Variants in NKAIN3 observed in about 807,000 individuals in gnomAD.
NKAIN3 encodes sodium/potassium-transporting ATPase subunit beta-1-interacting protein 3.
A neutral mutation model predicts 30.2 loss-of-function variants in NKAIN3; 25 were observed. The ratio of observed to expected loss-of-function variants is 0.83; its 90% CI spans 0.60 to 1.16. The LOEUF is 1.16. Among genes scored for constraint, NKAIN3 ranks in the 50% most tolerant of loss-of-function variants. The pLI, the probability that NKAIN3 is intolerant of heterozygous loss-of-function variation, is 0.00. For missense variants in NKAIN3, 225 were observed against 254.1 expected, an observed-to-expected ratio of 0.89 and a Z score of 0.78; for synonymous variants, 91 against 89.6, an observed-to-expected ratio of 1.02 and a Z score of -0.09.
intron 1 of NKAIN3, among the ~76,000 whole-genome samples, chr8:62,471,135 C>A (rs1806327515): frequency 6.6e-6 from 1 of 152,056 alleles, no homozygotes; most frequent in Non-Finnish European, 1.5e-5. Context: ...TTATCTAAAT[C>A]TTTAAAACTC....
intron 1 of NKAIN3, among the ~76,000 whole-genome samples, chr8:62,464,031 G>A (rs180864875): frequency 2.6e-5 from 4 of 152,234 alleles, no homozygotes; most frequent in Admixed American, 2.6e-4. Flanking sequence ...GGACTTCCAT[G>A]GGAAACCTAG....
chr8:62,757,254 G>T (rs1816483346), intron 4 of NKAIN3, among the ~76,000 whole-genome samples: 1 of 152,082 alleles, frequency 6.6e-6, no homozygotes, highest in Non-Finnish European at 1.5e-5. Flanking sequence ...GTAACTATTA[G>T]ATTTTAAAAA....
intron 4 of NKAIN3, among the ~76,000 whole-genome samples, chr8:62,849,807 G>C (rs1009115399): frequency 2.0e-5 from 3 of 152,012 alleles, no homozygotes; most frequent in Non-Finnish European, 4.4e-5. Context: ...TGGCTGCATA[G>C]TATTCCATGG....
chr8:62,435,761 A>G (rs1279862034), intron 1 of NKAIN3, among the ~76,000 whole-genome samples: 4 of 152,214 alleles, frequency 2.6e-5, no homozygotes, highest in Middle Eastern at 3.2e-3. Context: ...GTTATTATAA[A>G]TAACATTTTG....
intron 6 of NKAIN3, among the ~76,000 whole-genome samples, chr8:62,956,533 T>G (rs1823423327): frequency 1.3e-5 from 2 of 152,170 alleles, no homozygotes; most frequent in African/African-American, 4.8e-5. Context: ...AAGTGCACCT[T>G]TCAAGTGTCC....
At chr8:62,310,423 TA>T (rs1227303448) in intron 1 of NKAIN3, among the ~76,000 whole-genome samples, 1 of 150,650 alleles carries the variant, frequency 6.6e-6, no homozygotes, top group Admixed American at 6.6e-5. Context: ...ATATTAATTC[TA>T]ATATTGTCAA....
In NKAIN3 at chr8:62,413,167, A is replaced by G. The variant is rs754142893; in HGVS notation, c.54+164040A>G. Among the ~76,000 whole-genome samples, 4 of 152,278 alleles carry G rather than the reference A, an allele frequency of 2.6e-5. No homozygotes were observed. The South Asian group carries it at 6.2e-4, about 24-fold the overall frequency. On this transcript the variant is annotated intron_variant, in intron 1 of 6. Coordinates refer to ENST00000623646, the MANE Select transcript of NKAIN3 (RefSeq NM_001304533.3). Reference sequence around the variant, plus strand: ...GACAGATGCTGGCCAGGCTGTAGATAAAAGGGAGCACTTATACACTGCTGG... The same window carrying G: ...GACAGATGCTGGCCAGGCTGTAGATGAAAGGGAGCACTTATACACTGCTGG...
At chr8:62,530,628 ATTATTTAT>A (rs934380168) in intron 1 of NKAIN3, among the ~76,000 whole-genome samples, 2 of 151,530 alleles carry the variant, frequency 1.3e-5, no homozygotes, top group Non-Finnish European at 2.9e-5. Flanking sequence ...GTATTTATTT[ATTATTTAT>A]TTATTTATTT....
At chr8:62,831,835 G>A (rs185474697) in intron 4 of NKAIN3, among the ~76,000 whole-genome samples, 1 of 152,212 alleles carries the variant, frequency 6.6e-6, no homozygotes, top group Non-Finnish European at 1.5e-5. Context: ...CTGCTAGATG[G>A]TCAGACATCC....
At chr8:62,599,583 A>G (rs892022734) in intron 3 of NKAIN3, among the ~76,000 whole-genome samples, 7 of 152,022 alleles carry the variant, frequency 4.6e-5, no homozygotes, top group Non-Finnish European at 8.8e-5. Flanking sequence ...AGACATCACA[A>G]TCCTCATCCT....
At chr8:62,438,333 T>C (rs1190675364) in intron 1 of NKAIN3, among the ~76,000 whole-genome samples, 1 of 152,196 alleles carries the variant, frequency 6.6e-6, no homozygotes, top group African/African-American at 2.4e-5. Context: ...ATATTTTGTG[T>C]GAGAAATTTG....
chr8:62,345,622 T>TATATATACACATATATGTATATATAC (rs2129591363), intron 1 of NKAIN3, among the ~76,000 whole-genome samples: 2 of 129,838 alleles, frequency 1.5e-5, no homozygotes, highest in South Asian at 4.4e-4. Context: ...TATACACACA[T>TATATATACACATATATGTATATATAC]ATATATACAC....
At chr8:62,578,886 G>A (rs2130057582) in intron 1 of NKAIN3, among the ~76,000 whole-genome samples, 1 of 152,090 alleles carries the variant, frequency 6.6e-6, no homozygotes, top group Admixed American at 6.6e-5. Flanking sequence ...GGTTACCAGA[G>A]GCTGGGAAGG....
intron 4 of NKAIN3, among the ~76,000 whole-genome samples, chr8:62,841,199 A>C (rs1248296080): frequency 1.3e-5 from 2 of 152,308 alleles, no homozygotes; most frequent in African/African-American, 2.4e-5. Context: ...AAATTATAAT[A>C]ATCATAATTG....
intron 1 of NKAIN3, among the ~76,000 whole-genome samples, chr8:62,531,108 A>G (rs528956237): frequency 6.6e-6 from 1 of 152,142 alleles, no homozygotes; most frequent in African/African-American, 2.4e-5. Flanking sequence ...TCAGAGAGCC[A>G]CAGTCGGGGG....
chr8:62,249,386 G>A (rs1812013351), intron 1 of NKAIN3, among the ~76,000 whole-genome samples: 1 of 152,180 alleles, frequency 6.6e-6, no homozygotes, highest in Non-Finnish European at 1.5e-5. Flanking sequence ...CGCTCCCGCC[G>A]GGCGTCGCCA....
chr8:62,335,152 C>T (rs544281841), intron 1 of NKAIN3, among the ~76,000 whole-genome samples: 3 of 151,920 alleles, frequency 2.0e-5, no homozygotes, highest in Non-Finnish European at 4.4e-5. Context: ...AATCTCATGC[C>T]AGCAGGGCAC....
intron 1 of NKAIN3, among the ~76,000 whole-genome samples, chr8:62,259,828 G>A (rs996239447): frequency 6.6e-6 from 1 of 152,184 alleles, no homozygotes; most frequent in Non-Finnish European, 1.5e-5. Flanking sequence ...AGCATCTGCA[G>A]TTCATTGAAC....
intron 1 of NKAIN3, among the ~76,000 whole-genome samples, chr8:62,545,678 T>C (rs1490261313): frequency 6.6e-6 from 1 of 152,230 alleles, no homozygotes; most frequent in Non-Finnish European, 1.5e-5. Flanking sequence ...CAATAATTTA[T>C]GTAAAAACTC....
Sources: allele counts gnomAD v4.1 joint callset (sites outside exome capture counted in the v4.1 genomes callset), GRCh38; gene constraint gnomAD v4.1.1; transcripts MANE v1.5; gene names NCBI Gene and HGNC (gene_info 2026-07-23, HGNC 2026-07-21).